PDSS1: variants seen among roughly 807,000 people sequenced by gnomAD.
PDSS1 encodes decaprenyl diphosphate synthase subunit 1.
PDSS1 carries 43 observed loss-of-function variants against 57.5 expected under a neutral mutation model. That is an observed-to-expected ratio of 0.75 (90% CI 0.59 to 0.96). The LOEUF is 0.96. PDSS1 is among the 50% of genes least tolerant of loss of function. The probability of loss-of-function intolerance (pLI) is 0.00; values close to 1 mark genes in which losing one functional copy is unlikely to be tolerated. For missense variants in PDSS1, 438 were observed against 527.8 expected (o/e 0.83, Z 1.67); for synonymous variants, 175 against 191.3 (o/e 0.91, Z 0.70).
At position 26,746,400 on chromosome 10, in the gene PDSS1, G is replaced by C. The variant is rs1393199732; in HGVS notation, c.1175G>C (p.Ser392Thr). The stretch of plus-strand genomic sequence containing the variant: ...TGCCATGAAGCAATAAGAGAGATCA[G>C]TAAACTTCGACCATCCCCAGAAAGA... ...QYCHEAIREI[S>T]KLRPSPERDA... Residue 392 changes from serine to threonine, a missense_variant, in exon 12 of 12, where the codon AGT (serine) becomes ACT (threonine). Ser to Thr is a moderately conservative substitution (Grantham distance 58, BLOSUM62 1). Transcript: ENST00000376215. 3 of 1,614,058 alleles carry C rather than the reference G, an allele frequency of 1.9e-6. No homozygotes were observed. The Admixed American group carries it at 5.0e-5, about 27-fold the overall frequency.
chr10:26,706,379 T>G (rs982021178), intron 4 of PDSS1, among the ~76,000 whole-genome samples: 6 of 152,202 alleles, frequency 3.9e-5, no homozygotes, highest in African/African-American at 1.4e-4. Flanking sequence ...GAGGAAGAAC[T>G]CCTTCAGCTC....
At chr10:26,721,968 C>G (rs370974242) in intron 6 of PDSS1, among the ~76,000 whole-genome samples, 1 of 152,194 alleles carries the variant, frequency 6.6e-6, no homozygotes, top group Non-Finnish European at 1.5e-5. Context: ...CAAAACCCCC[C>G]ACACACAGTG....
At chr10:26,709,099 GC>G (rs552825785) in intron 4 of PDSS1, among the ~76,000 whole-genome samples, 58 of 152,256 alleles carry the variant, frequency 3.8e-4, no homozygotes, top group African/African-American at 1.4e-3. Flanking sequence ...GGGGCAGGTG[GC>G]AGTACCTGTT....
intron 10 of PDSS1, among the ~76,000 whole-genome samples, chr10:26,735,995 G>A (rs1836384915): frequency 6.6e-6 from 1 of 152,152 alleles, no homozygotes; most frequent in African/African-American, 2.4e-5. Context: ...GGCATAGGAA[G>A]CATCAAGGGC....
chr10:26,713,055 G>A (rs1835446953), intron 5 of PDSS1, among the ~76,000 whole-genome samples: 1 of 96,216 alleles, frequency 1.0e-5, no homozygotes, highest in Non-Finnish European at 2.4e-5. Context: ...CACTTTGGGA[G>A]GCTGAGGCAG....
At chr10:26,705,441 C>T in intron 4 of PDSS1, 47 bp downstream of exon 4, 1 of 802,028 alleles carries the variant, frequency 1.2e-6, no homozygotes, top group Non-Finnish European at 2.0e-6. Context: ...CTTACCAAAA[C>T]TTACTAAAAT....
Position 26,746,566 on chromosome 10 carries a change from C to T in PDSS1, c.*93C>T. 7.5e-7 allele frequency: 1 copy of T among 1,327,276 alleles called. No homozygotes were observed. The highest frequency in any genetic ancestry group is 1.2e-5 in the South Asian group (1 of 83,782). 82.2% of individuals were successfully genotyped at this position (1,327,276 alleles called of 1,614,324 possible). ...TTTGTTTGCTTCATGTGCAGATAAC[C>T]AAAAATCATTTTAAAAGATATCAAA... is the stretch of plus-strand genomic sequence containing the variant. On this transcript the variant is annotated 3_prime_UTR_variant, in exon 12 of 12. Transcript: ENST00000376215.
chr10:26,730,487 A>T (rs111749692), intron 8 of PDSS1, among the ~76,000 whole-genome samples: 27,285 of 151,442 alleles, frequency 0.18, 2,620 homozygotes, highest in African/African-American at 0.21. Flanking sequence ...TGCACACCTG[A>T]AGTCCCAGCT....
chr10:26,745,479 C>T (rs1046410454), intron 11 of PDSS1, among the ~76,000 whole-genome samples: 11 of 152,126 alleles, frequency 7.2e-5, no homozygotes, highest in Admixed American at 4.6e-4. Context: ...GATGATGAGG[C>T]GGCACATTGT....
In PDSS1 at chr10:26,704,742, G is replaced by A; in HGVS notation, c.227+1G>A. 7.1e-7 allele frequency: 1 copy of A among 1,399,546 alleles called. No homozygotes were observed. Among genetic ancestry groups the A allele is most frequent in the Non-Finnish European group, 1.0e-6 (1 of 985,014 alleles). 86.7% of individuals were successfully genotyped at this position (1,399,546 alleles called of 1,614,324 possible). A position where few individuals can be genotyped will look rare whatever the true frequency, so the allele number is the denominator to read the frequency against. The stretch of plus-strand genomic sequence containing the variant: ...GTCCAAATGTATGTCGTATATCACG[G>A]TAAGTTTACAGTCCATACTGCAACT... On this transcript the variant is annotated splice_donor_variant, in intron 3 of 11. Transcript: ENST00000376215. LOFTEE classifies it high-confidence loss of function.
intron 8 of PDSS1, among the ~76,000 whole-genome samples, chr10:26,729,904 C>CTTTT (rs71403886): frequency 1.5e-4 from 11 of 75,348 alleles, no homozygotes; most frequent in East Asian, 8.6e-4. Context: ...TAGTTGGTTC[C>CTTTT]TTTTTTTTTT....
intron 8 of PDSS1, among the ~76,000 whole-genome samples, chr10:26,730,229 A>G (rs1389197200): frequency 6.6e-6 from 1 of 151,324 alleles, no homozygotes; most frequent in Non-Finnish European, 1.5e-5. Context: ...ATTCATTTTT[A>G]TTCCACTTTA....
intron 8 of PDSS1, among the ~76,000 whole-genome samples, chr10:26,730,624 TAAAA>T (rs113298880): frequency 6.6e-6 from 1 of 151,028 alleles, no homozygotes; most frequent in African/African-American, 2.4e-5. Context: ...ATAATAATAA[TAAAA>T]AAAATAAAAG....
chr10:26,745,446 A>AAAAC (rs1474847139), intron 11 of PDSS1, among the ~76,000 whole-genome samples: 1 of 152,246 alleles, frequency 6.6e-6, no homozygotes. Flanking sequence ...AGTAATCAAC[A>AAAAC]AAACAACTAA....
intron 6 of PDSS1, among the ~76,000 whole-genome samples, chr10:26,721,315 G>T (rs1319523715): frequency 1.2e-4 from 17 of 144,510 alleles, no homozygotes; most frequent in African/African-American, 3.8e-4. Flanking sequence ...AAAAAAAAAA[G>T]TTTGTGCAAA....
Position 26,746,624 on chromosome 10 carries a change from C to A in PDSS1, c.*151C>A. 1 of 814,698 alleles carries A rather than the reference C, an allele frequency of 1.2e-6. No individual in the cohort carries two copies. Among genetic ancestry groups the A allele is most frequent in the South Asian group, 1.6e-5 (1 of 62,212 alleles). 50.5% of individuals were successfully genotyped at this position (814,698 alleles called of 1,614,324 possible). ...ATGGGCAATTTATTTTTTTTTATTG[C>A]AAAAGTTTTTTCAGAAAACTTTTTA... On this transcript the variant is annotated 3_prime_UTR_variant, in exon 12 of 12. Coordinates refer to ENST00000376215, the MANE Select transcript of PDSS1 (RefSeq NM_014317.5).
At chr10:26,724,497 G>T (rs1031713838) in intron 8 of PDSS1, among the ~76,000 whole-genome samples, 1 of 152,122 alleles carries the variant, frequency 6.6e-6, no homozygotes, top group African/African-American at 2.4e-5. Flanking sequence ...GAAGTGCTCT[G>T]TTCTTTAATA....
chr10:26,725,514 T>TG (rs1193966278), intron 8 of PDSS1, among the ~76,000 whole-genome samples: 1 of 151,826 alleles, frequency 6.6e-6, no homozygotes, highest in African/African-American at 2.4e-5. Flanking sequence ...AGAAATTATG[T>TG]GGGTTTTTTT....
intron 6 of PDSS1, 108 bp downstream of exon 6, chr10:26,720,467 A>G (rs2132259992): frequency 2.5e-6 from 2 of 803,262 alleles, no homozygotes; most frequent in Non-Finnish European, 2.2e-6. Flanking sequence ...CTCAAATGTA[A>G]TGTGGTCTTC....
Sources: gnomAD v4.1 joint callset for allele counts (sites outside exome capture counted in the v4.1 genomes callset) on GRCh38, gnomAD v4.1.1 for gene constraint, MANE v1.5 for transcripts, NCBI Gene and HGNC (gene_info 2026-07-23, HGNC 2026-07-21) for gene names.